Variants in ERICH1 observed in about 807,000 individuals in gnomAD.
ERICH1 encodes glutamate-rich protein 1.
In ERICH1, 56 loss-of-function variants were observed where a neutral mutation model predicts 39.6. The ratio of observed to expected loss-of-function variants is 1.41; its 90% CI spans 1.14 to 1.77. The LOEUF is 1.77. ERICH1 is among the 40% of genes most tolerant of loss of function. The pLI is 0.00. For missense variants in ERICH1, 826 were observed against 575.4 expected, an observed-to-expected ratio of 1.44 and a Z score of -4.45; for synonymous variants, 313 against 223.6, an observed-to-expected ratio of 1.40 and a Z score of -3.57.
At chr8:702,689 G>C (rs964015880) in intron 2 of ERICH1, among the ~76,000 whole-genome samples, 8 of 152,258 alleles carry the variant, frequency 5.3e-5, no homozygotes, top group African/African-American at 1.9e-4. Context: ...GAAGGTCGCA[G>C]CTCGGCAGGA....
downstream of ERICH1, among the ~76,000 whole-genome samples, chr8:661,198 G>A (rs1305313938): frequency 6.8e-6 from 1 of 147,352 alleles, no homozygotes; most frequent in Non-Finnish European, 1.5e-5. Context: ...ATTCTCTGAA[G>A]AGCCCCGGGA....
chr8:690,993 G>A (rs1808774811), intron 3 of ERICH1: 1 of 152,336 alleles, frequency 6.6e-6, no homozygotes, highest in African/African-American at 2.4e-5. Context: ...AGAGAGAGGG[G>A]TCCCATCCTT....
In ERICH1 at chr8:673,380, G is replaced by A. The variant is rs779656647; in HGVS notation, c.972C>T (p.Asp324=). Residue 324 remains aspartate (D), a synonymous_variant, in exon 4 of 6, where the codon GAC becomes GAT. Transcript: ENST00000262109. ...GADSGEEDGA[D]ASEEDDTITN... ...TAATTGTATCATCTTCCTCGCTGGC[G>A]TCTGCACCGTCCTCCTCCCCGGAGT... 22 of 1,613,918 alleles carry A rather than the reference G, an allele frequency of 1.4e-5. No homozygotes were observed. Among genetic ancestry groups the A allele is most frequent in the African/African-American group, 4.0e-5 (3 of 74,910 alleles).
intron 2 of ERICH1, among the ~76,000 whole-genome samples, chr8:707,300 C>T (rs534423344): frequency 7.1e-4 from 108 of 151,542 alleles, no homozygotes; most frequent in African/African-American, 1.7e-3. Context: ...CTCTGCCTCC[C>T]GGGTTCAAGC....
intron 3 of ERICH1, among the ~76,000 whole-genome samples, chr8:678,338 A>G (rs1244655102): frequency 6.6e-6 from 1 of 152,200 alleles, no homozygotes; most frequent in Non-Finnish European, 1.5e-5. Flanking sequence ...GGTGTTAAGA[A>G]GGTAATGAAA....
At chr8:636,541 G>A (rs1277010812) in intron 3 of ERICH1, among the ~76,000 whole-genome samples, 3 of 152,216 alleles carry the variant, frequency 2.0e-5, no homozygotes, top group Non-Finnish European at 2.9e-5. Context: ...GTCTCCTCAC[G>A]GACGGAGGCC....
chr8:658,992 CGGTGTGCACTG>C (rs1321234110), intron 3 of ERICH1, among the ~76,000 whole-genome samples: 11,199 of 150,768 alleles, frequency 0.074, 1,139 homozygotes, highest in Non-Finnish European at 0.11. Flanking sequence ...CCCACATCTC[CGGTGTGCACTG>C]AGCATCCTGG....
intron 2 of ERICH1, among the ~76,000 whole-genome samples, chr8:698,427 C>T (rs1472406319): frequency 6.6e-6 from 1 of 152,040 alleles, no homozygotes; most frequent in East Asian, 1.9e-4. Flanking sequence ...CCATGTTACC[C>T]AAGGTCGTCT....
At chr8:674,130 G>A (rs966755896) in intron 3 of ERICH1, 83 bp from the exon 4 acceptor site, 8 of 1,428,284 alleles carry the variant, frequency 5.6e-6, no homozygotes, top group Non-Finnish European at 7.4e-6. Flanking sequence ...TTTCCATCAG[G>A]ATCTTGTAGT....
intron 3 of ERICH1, among the ~76,000 whole-genome samples, chr8:674,918 A>C (rs911392577): frequency 2.4e-4 from 37 of 152,182 alleles, no homozygotes; most frequent in African/African-American, 8.0e-4. Context: ...CAATCTGCTC[A>C]TTTCCCTGGT....
rs1802669557 is a variant in ERICH1, at chr8:668,661, GC to G, written c.1194del (p.Gln399LysfsTer6). 1.2e-6 allele frequency: 2 copies of G among 1,614,164 alleles called. No individual in the cohort carries two copies. Among genetic ancestry groups the G allele is most frequent in the African/African-American group, 1.3e-5 (1 of 75,054 alleles). The part of the protein sequence containing the change: ...ILYHMKTLLL[L>X]QDTERLKHAL... ...GCATGCTTCAATCTCTCAGTATCTT[GC>G]AGGAGCAGCAGCGTTTTCATGTGGT... On this transcript the variant is annotated frameshift_variant, in exon 5 of 6. Coordinates refer to ENST00000262109, the MANE Select transcript of ERICH1 (RefSeq NM_207332.3). LOFTEE classifies it high-confidence loss of function.
chr8:629,005 C>T (rs918222080), intron 3 of ERICH1, among the ~76,000 whole-genome samples: 8 of 152,148 alleles, frequency 5.3e-5, no homozygotes, highest in Non-Finnish European at 1.2e-4. Context: ...CCATCAGCAT[C>T]CTTTGTTCAG....
At chr8:630,302 C>G (rs796132024) in intron 3 of ERICH1, among the ~76,000 whole-genome samples, 41 of 103,904 alleles carry the variant, frequency 3.9e-4, no homozygotes, top group East Asian at 9.3e-4. Flanking sequence ...CCTCCTGTGA[C>G]CACCCACACA....
intron 3 of ERICH1, among the ~76,000 whole-genome samples, chr8:684,519 A>G (rs1340441599): frequency 6.6e-6 from 1 of 152,222 alleles, no homozygotes; most frequent in Non-Finnish European, 1.5e-5. Flanking sequence ...TGAAAACTTA[A>G]CTAAAACGCT....
intron 3 of ERICH1, chr8:626,809 T>C (rs336432): frequency 0.36 from 85,284 of 234,886 alleles, 16,357 homozygotes; most frequent in South Asian, 0.49. Context: ...TATTTGCTGA[T>C]TTATATCACA....
intron 1 of ERICH1, among the ~76,000 whole-genome samples, chr8:729,320 C>T (rs925072884): frequency 3.9e-5 from 6 of 152,232 alleles, no homozygotes; most frequent in Non-Finnish European, 7.3e-5. Flanking sequence ...CTGCAACCAC[C>T]CCATGACCCT....
At chr8:699,972 GACCC>G (rs1811484710) in intron 2 of ERICH1, among the ~76,000 whole-genome samples, 1 of 124,626 alleles carries the variant, frequency 8.0e-6, no homozygotes, top group Non-Finnish European at 1.6e-5. Flanking sequence ...CACGCGCACA[GACCC>G]GCACACGCGC....
intron 2 of ERICH1, among the ~76,000 whole-genome samples, chr8:710,175 T>A (rs935633821): frequency 2.6e-5 from 4 of 152,162 alleles, no homozygotes; most frequent in African/African-American, 9.7e-5. Context: ...CTCTCGTACA[T>A]CCTGTGAGTT....
intron 1 of ERICH1, among the ~76,000 whole-genome samples, chr8:726,041 G>A (rs1236144596): frequency 6.6e-6 from 1 of 152,174 alleles, no homozygotes; most frequent in Admixed American, 6.5e-5. Flanking sequence ...CTGCAGCACA[G>A]CAATGACTCC....
Sources: allele counts gnomAD v4.1 joint callset (sites outside exome capture counted in the v4.1 genomes callset), GRCh38; gene constraint gnomAD v4.1.1; transcripts MANE v1.5; gene names NCBI Gene and HGNC (gene_info 2026-07-23, HGNC 2026-07-21).